SGK1: variants seen among roughly 807,000 people sequenced by gnomAD.
SGK1 encodes serine/threonine-protein kinase Sgk1.
Under a neutral mutation model 64.2 loss-of-function variants are expected in SGK1, and 26 were observed. The observed-to-expected ratio is 0.40, with a 90% CI of 0.30 to 0.56. The LOEUF is 0.56. SGK1 is among the 20% of genes least tolerant of loss of function. The pLI, the probability that SGK1 is intolerant of heterozygous loss-of-function variation, is 0.38. For missense variants in SGK1, 519 were observed against 645.6 expected, an observed-to-expected ratio of 0.80 and a Z score of 2.12; for synonymous variants, 265 against 239.7, an observed-to-expected ratio of 1.11 and a Z score of -0.98.
intron 11 of SGK1, 111 bp downstream of exon 11, chr6:134,171,526 C>G: frequency 1.4e-6 from 1 of 721,902 alleles, no homozygotes; most frequent in Non-Finnish European, 2.4e-6. Context: ...CTCTTAGCTG[C>G]TTTTGATAAG....
At chr6:134,277,707 C>G (rs1339606898) in intron 1 of SGK1, among the ~76,000 whole-genome samples, 1 of 152,150 alleles carries the variant, frequency 6.6e-6, no homozygotes, top group Non-Finnish European at 1.5e-5. Context: ...AAAATAACAC[C>G]ATATAGCTCT....
intron 3 of SGK1, among the ~76,000 whole-genome samples, chr6:134,205,428 G>GAA (rs765822677): frequency 1.4e-5 from 2 of 142,102 alleles, no homozygotes; most frequent in African/African-American, 2.6e-5. Flanking sequence ...TCTGGTCTTT[G>GAA]AAAAAAAAAA....
chr6:134,289,770 C>G (rs564623251), intron 1 of SGK1, among the ~76,000 whole-genome samples: 20 of 152,152 alleles, frequency 1.3e-4, no homozygotes, highest in African/African-American at 4.6e-4. Flanking sequence ...CATACAGAGG[C>G]TGAGGCGAGC....
chr6:134,226,848 G>A (rs1776190491), intron 2 of SGK1, among the ~76,000 whole-genome samples: 1 of 151,996 alleles, frequency 6.6e-6, no homozygotes, highest in Admixed American at 6.6e-5. Context: ...ACCATGCTTG[G>A]CTAATTTGTT....
At chr6:134,315,402 C>A (rs374942681) in intron 1 of SGK1, among the ~76,000 whole-genome samples, 15 of 152,306 alleles carry the variant, frequency 9.8e-5, no homozygotes, top group African/African-American at 3.4e-4. Flanking sequence ...GTAGAAACTT[C>A]TTTCTGCATG....
chr6:134,280,865 A>G (rs559216994), intron 1 of SGK1, among the ~76,000 whole-genome samples: 26 of 152,236 alleles, frequency 1.7e-4, no homozygotes, highest in African/African-American at 3.4e-4. Context: ...TCAGGAGTTC[A>G]AGGCCAGCCT....
intron 3 of SGK1, among the ~76,000 whole-genome samples, chr6:134,203,651 T>A (rs1775721976): frequency 6.6e-6 from 1 of 152,208 alleles, no homozygotes; most frequent in African/African-American, 2.4e-5. Flanking sequence ...TTTAGAAGAT[T>A]GGACTGGCTG....
chr6:134,181,166 G>C (rs565620120), intron 3 of SGK1, among the ~76,000 whole-genome samples: 1 of 152,228 alleles, frequency 6.6e-6, no homozygotes, highest in African/African-American at 2.4e-5. Flanking sequence ...AGGTGTAACT[G>C]ACACGAAGGC....
intron 1 of SGK1, among the ~76,000 whole-genome samples, chr6:134,290,968 G>A (rs745330098): frequency 2.0e-5 from 3 of 152,188 alleles, no homozygotes; most frequent in South Asian, 2.1e-4. Flanking sequence ...AGTGATTTGA[G>A]AGGCAGGTAG....
chr6:134,180,368 G>A (rs1775312960), intron 3 of SGK1: 1 of 151,978 alleles, frequency 6.6e-6, no homozygotes, highest in African/African-American at 2.4e-5. Flanking sequence ...TCCAATCAAT[G>A]ATTAAAAAAA....
At chr6:134,263,957 G>C (rs762883797) in intron 1 of SGK1, among the ~76,000 whole-genome samples, 40 of 151,948 alleles carry the variant, frequency 2.6e-4, no homozygotes, top group Non-Finnish European at 5.4e-4. Flanking sequence ...CCTCAGAAAA[G>C]TTTTATAAGA....
At chr6:134,240,431 A>G (rs1012199862) in intron 2 of SGK1, among the ~76,000 whole-genome samples, 2 of 152,194 alleles carry the variant, frequency 1.3e-5, no homozygotes, top group African/African-American at 4.8e-5. Context: ...GTATAGTGAA[A>G]GAGTCTAAAA....
chr6:134,226,103 G>C (rs917107523), intron 2 of SGK1, among the ~76,000 whole-genome samples: 1 of 151,860 alleles, frequency 6.6e-6, no homozygotes, highest in East Asian at 1.9e-4. Context: ...CTGGGTGACA[G>C]AGCGAGACCC....
intron 3 of SGK1, chr6:134,175,672 C>T: frequency 2.0e-6 from 3 of 1,484,766 alleles, no homozygotes; most frequent in Non-Finnish European, 2.7e-6. Flanking sequence ...GGGCAGCGGG[C>T]GGCGGGGCGC....
At chr6:134,195,020 G>A (rs746039281) in intron 3 of SGK1, among the ~76,000 whole-genome samples, 1 of 152,160 alleles carries the variant, frequency 6.6e-6, no homozygotes, top group Non-Finnish European at 1.5e-5. Context: ...AATAATGAGA[G>A]CAGATTTATT....
At chr6:134,297,781 G>T (rs1777383547) in intron 1 of SGK1, 1 of 553,122 alleles carries the variant, frequency 1.8e-6, no homozygotes, top group Non-Finnish European at 3.3e-6. Context: ...GATTACAGGC[G>T]TGAGCCACTG....
Position 134,268,946 on chromosome 6 carries a change from GAAAAA to G in SGK1, c.70-6803_70-6799del, listed in dbSNP as rs60194315. 2.3e-4 allele frequency among the ~76,000 whole-genome samples: 24 copies of G among 103,656 alleles called. 1 individual carries two copies. The highest frequency in any genetic ancestry group is 3.1e-4 in the Admixed American group (3 of 9,764). 68.0% of individuals were successfully genotyped at this position (103,656 alleles called of 152,430 possible). ...TTGGTTTTATTAATGTCTTTACTTG[GAAAAA>G]AAAAAAAAAAAAGCCATCCAAAAGC... On this transcript the variant is annotated intron_variant, in intron 1 of 13. Transcript: ENST00000367858.
At position 134,279,550 on chromosome 6, in the gene SGK1, A is replaced by G. The variant is rs544628202; in HGVS notation, c.70-17402T>C. Among the ~76,000 whole-genome samples the G allele has an allele frequency of 1.7e-4, 26 of 152,312 alleles. 1 individual carries two copies. The East Asian group carries it at 2.5e-3, about 15-fold the overall frequency. Reference sequence around the variant, plus strand: ...CCTACAGATATGCTGTATTCTTTTAATAGATATCAATGAACTGACTTGTTA... The same window carrying G: ...CCTACAGATATGCTGTATTCTTTTAGTAGATATCAATGAACTGACTTGTTA... On this transcript the variant is annotated intron_variant, in intron 1 of 13. Transcript: ENST00000367858.
At chr6:134,185,701 C>T (rs985910561) in intron 3 of SGK1, among the ~76,000 whole-genome samples, 2 of 151,740 alleles carry the variant, frequency 1.3e-5, no homozygotes, top group African/African-American at 2.4e-5. Context: ...TTGGCTCATA[C>T]AATTATGAAA....
Sources: allele counts gnomAD v4.1 joint callset (sites outside exome capture counted in the v4.1 genomes callset), GRCh38; gene constraint gnomAD v4.1.1; transcripts MANE v1.5; gene names NCBI Gene and HGNC (gene_info 2026-07-23, HGNC 2026-07-21).